Variants in FBXW8 observed in about 807,000 individuals in gnomAD.
FBXW8 encodes F-box/WD repeat-containing protein 8.
FBXW8 carries 57 observed loss-of-function variants against 65.3 expected under a neutral mutation model. That is an observed-to-expected ratio of 0.87 (90% CI 0.71 to 1.09). The LOEUF (loss-of-function observed/expected upper bound fraction) is 1.09. FBXW8 is among the 50% of genes least tolerant of loss of function. FBXW8 has a pLI of 0.00. For synonymous variants in FBXW8, 308 were observed against 330.2 expected, an observed-to-expected ratio of 0.93 and a Z score of 0.73; for missense variants, 777 against 814.8, an observed-to-expected ratio of 0.95 and a Z score of 0.57.
intron 4 of FBXW8, among the ~76,000 whole-genome samples, chr12:116,955,652 A>G (rs1883594426): frequency 6.6e-6 from 1 of 152,200 alleles, no homozygotes; most frequent in South Asian, 2.1e-4. Flanking sequence ...TGTTTTGAAA[A>G]TTGTATGTTT....
At chr12:116,984,988 C>G (rs1885563953) in intron 5 of FBXW8, among the ~76,000 whole-genome samples, 1 of 151,994 alleles carries the variant, frequency 6.6e-6, no homozygotes, top group African/African-American at 2.4e-5. Flanking sequence ...GGCACTGTTT[C>G]TAAAAAATAA....
At chr12:116,988,584 T>C (rs1953155289) in intron 6 of FBXW8, 79 bp from the exon 7 acceptor site, 6 of 1,268,384 alleles carry the variant, frequency 4.7e-6, no homozygotes, top group Non-Finnish European at 6.9e-6. Flanking sequence ...GTCTTCTCAT[T>C]GATGTGTAGG....
In FBXW8 at chr12:117,010,339, T is replaced by C. The variant is rs201464590; in HGVS notation, c.1256T>C (p.Leu419Pro). The change falls in exon 8 of 11, where the codon CTG becomes CCG. Residue 419 changes from leucine to proline, a missense_variant. Physicochemically the swap from Leu to Pro is moderately conservative, Grantham distance 98. Coordinates refer to ENST00000652555, the MANE Select transcript of FBXW8 (RefSeq NM_153348.3). Reference protein sequence around the residue: ...YEGSKILVYSLEAGRRLLKLG... With the variant: ...YEGSKILVYSPEAGRRLLKLG... ...CTCTCTCAGATCCTGGTGTATAGCC[T>C]GGAAGCAGGACGCCGCCTCTTGAAG... 8 of 1,614,114 alleles carry C rather than the reference T, an allele frequency of 5.0e-6. No individual in the cohort carries two copies. Among genetic ancestry groups the C allele is most frequent in the Non-Finnish European group, 6.8e-6 (8 of 1,180,044 alleles).
intron 5 of FBXW8, among the ~76,000 whole-genome samples, chr12:116,967,802 T>G (rs1292848603): frequency 6.6e-6 from 1 of 152,220 alleles, no homozygotes; most frequent in Non-Finnish European, 1.5e-5. Flanking sequence ...AGTCTGGCTT[T>G]GTCATCCAGA....
At chr12:116,960,141 G>A (rs907420749) in intron 4 of FBXW8, among the ~76,000 whole-genome samples, 2 of 152,124 alleles carry the variant, frequency 1.3e-5, no homozygotes, top group South Asian at 2.1e-4. Flanking sequence ...ACCTCCATTC[G>A]TTATCTGTTC....
intron 2 of FBXW8, among the ~76,000 whole-genome samples, chr12:116,928,396 C>A (rs1881501052): frequency 6.6e-6 from 1 of 152,150 alleles, no homozygotes; most frequent in South Asian, 2.1e-4. Context: ...TGGTGGCCGA[C>A]AACTTGGTGC....
At chr12:116,925,076 TA>T (rs529209744) in intron 1 of FBXW8, among the ~76,000 whole-genome samples, 2,211 of 143,626 alleles carry the variant, frequency 0.015, 21 homozygotes, top group South Asian at 0.058. Context: ...TCACTTTGGT[TA>T]AAAAAAAAAA....
chr12:116,926,984 C>T (rs760912628), intron 1 of FBXW8, among the ~76,000 whole-genome samples: 3 of 151,974 alleles, frequency 2.0e-5, no homozygotes, highest in African/African-American at 4.8e-5. Context: ...TACATAAGAC[C>T]GCTGTATTTG....
chr12:116,923,492 G>C (rs1029018397), intron 1 of FBXW8, among the ~76,000 whole-genome samples: 1 of 151,910 alleles, frequency 6.6e-6, no homozygotes, highest in African/African-American at 2.4e-5. Context: ...ACATTGCTGA[G>C]AGCTATTCAA....
chr12:117,017,119 A>G (rs1356288916), intron 8 of FBXW8, among the ~76,000 whole-genome samples: 2 of 152,252 alleles, frequency 1.3e-5, no homozygotes, highest in Non-Finnish European at 2.9e-5. Context: ...TGTATATGAA[A>G]GTAACAGTAT....
intron 1 of FBXW8, among the ~76,000 whole-genome samples, chr12:116,918,587 T>A (rs1880624526): frequency 6.6e-6 from 1 of 152,350 alleles, no homozygotes; most frequent in East Asian, 1.9e-4. Context: ...TCTATCTGCT[T>A]AGCAACTCAA....
Position 116,936,694 on chromosome 12 carries a change from A to G in FBXW8, c.423+8567A>G, listed in dbSNP as rs2137326040. On this transcript the variant is annotated intron_variant, in intron 2 of 10. Transcript: ENST00000652555. The surrounding 1 kb of genome is among the most constrained non-coding windows in gnomAD (Gnocchi z 4.6). ...TGCTTTTACACTTCTGGTCTCCGGA[A>G]CTATAAGCGAATAAATCTGTATTGT... 6.6e-6 allele frequency among the ~76,000 whole-genome samples: 1 copy of G among 152,310 alleles called. No individual in the cohort carries two copies.
intron 8 of FBXW8, among the ~76,000 whole-genome samples, chr12:117,014,071 A>C (rs2135713837): frequency 6.6e-6 from 1 of 152,228 alleles, no homozygotes; most frequent in South Asian, 2.1e-4. Context: ...TAAATATTAA[A>C]CCTTGTGAAA....
chr12:117,024,395 G>C, intron 9 of FBXW8, 75 bp downstream of exon 9: 1 of 1,558,634 alleles, frequency 6.4e-7, no homozygotes, highest in Non-Finnish European at 8.8e-7. Context: ...CCTGCACCAG[G>C]CACGGTGCTA....
intron 5 of FBXW8, among the ~76,000 whole-genome samples, 173 bp downstream of exon 5, chr12:116,965,027 G>A (rs1013354775): frequency 6.6e-6 from 1 of 152,166 alleles, no homozygotes; most frequent in East Asian, 1.9e-4. Context: ...GCCAACAACC[G>A]TCAATGCATT....
chr12:117,027,909 G>C (rs10507278), intron 10 of FBXW8, 119 bp from the exon 11 acceptor site: 239,726 of 1,374,030 alleles, frequency 0.17, 29,609 homozygotes, highest in African/African-American at 0.63. Flanking sequence ...CAGAGAACGC[G>C]TTTGTGAAGC....
At chr12:116,994,512 A>G (rs1447564231) in intron 7 of FBXW8, among the ~76,000 whole-genome samples, 1 of 152,198 alleles carries the variant, frequency 6.6e-6, no homozygotes, top group Non-Finnish European at 1.5e-5. Context: ...CTCTATCTGG[A>G]GCCAAACCAA....
intron 5 of FBXW8, among the ~76,000 whole-genome samples, chr12:116,966,551 A>C (rs1024273038): frequency 6.6e-6 from 1 of 152,104 alleles, no homozygotes; most frequent in African/African-American, 2.4e-5. Flanking sequence ...ATGTGCGCCC[A>C]ATTGATTTGC....
chr12:116,966,875 C>T (rs1005485123), intron 5 of FBXW8, among the ~76,000 whole-genome samples: 3 of 152,124 alleles, frequency 2.0e-5, no homozygotes, highest in African/African-American at 7.2e-5. Context: ...CCCACCACAA[C>T]AACCAACTAA....
Sources: gnomAD v4.1 joint callset for allele counts (sites outside exome capture counted in the v4.1 genomes callset) on GRCh38, gnomAD v4.1.1 for gene constraint, Gnocchi (gnomAD v3.1) non-coding constraint, MANE v1.5 for transcripts, NCBI Gene and HGNC (gene_info 2026-07-23, HGNC 2026-07-21) for gene names.